The following EVC variants were observed in gnomAD, a reference collection of about 807,000 sequenced individuals.
The protein encoded by EVC is EvC ciliary complex subunit 1, also known as evC complex member EVC.
Under a neutral mutation model 118.9 loss-of-function variants are expected in EVC, and 116 were observed. That is an observed-to-expected ratio of 0.98 (90% CI 0.84 to 1.14). The LOEUF (loss-of-function observed/expected upper bound fraction) is 1.14. Ranked by LOEUF, EVC falls within the 50% of genes most tolerant of loss-of-function variation. The probability of loss-of-function intolerance (pLI) is 0.00; values close to 1 mark genes in which losing one functional copy is unlikely to be tolerated. For missense variants in EVC, 1,401 were observed against 1,246.4 expected (o/e 1.12, Z -1.87); for synonymous variants, 619 against 534.7 (o/e 1.16, Z -2.18).
At chr4:5,721,300 G>A (rs1166546399) in intron 2 of EVC, among the ~76,000 whole-genome samples, 1 of 152,196 alleles carries the variant, frequency 6.6e-6, no homozygotes, top group Non-Finnish European at 1.5e-5. Context: ...TGTGATATAT[G>A]CAGACATTGG....
chr4:5,720,506 T>G (rs1724768363), intron 2 of EVC, among the ~76,000 whole-genome samples: 1 of 152,122 alleles, frequency 6.6e-6, no homozygotes, highest in African/African-American at 2.4e-5. Context: ...ACCTGTTCCA[T>G]CCTGTTCCGC....
intron 16 of EVC, 118 bp downstream of exon 16, chr4:5,802,212 G>C (rs1715140274): frequency 1.4e-6 from 2 of 1,382,796 alleles, no homozygotes; most frequent in East Asian, 2.4e-5. Context: ...AATTATTTCA[G>C]TGTTTTAATG....
chr4:5,793,664 C>T lies in EVC; in HGVS notation c.1833C>T (p.Asp611=). 1.3e-6 allele frequency: 2 copies of T among 1,553,032 alleles called. No individual in the cohort carries two copies. Among genetic ancestry groups the T allele is most frequent in the Non-Finnish European group, 1.7e-6 (2 of 1,148,086 alleles). Residue 611 remains aspartate, a synonymous_variant, in exon 13 of 21, where the codon GAC becomes GAT. Transcript: ENST00000264956. ...TGCTGCAGACACACCTGCGGGAGGA[C>T]CACGAGGGCACCATCCGCGGCGTCT... The part of the protein sequence containing the change: ...SSVLQTHLRE[D]HEGTIRGVLG...
At position 5,753,778 on chromosome 4, in the gene EVC, A is replaced by G. The variant is rs896913430; in HGVS notation, c.1316-7A>G. 11 of 1,614,150 alleles carry G rather than the reference A, an allele frequency of 6.8e-6. No individual in the cohort carries two copies. Among genetic ancestry groups the G allele is most frequent in the East Asian group, 2.2e-5 (1 of 44,866 alleles). ...ACCTCCTATGCTGTGGCTTTTTTCA[A>G]TCCCAGAGTTTGTCCAGCGAGGCAA... On this transcript the variant is annotated splice_region_variant and splice_polypyrimidine_tract_variant and intron_variant, in intron 9 of 20. Transcript: ENST00000264956.
Position 5,811,921 on chromosome 4 carries a change from CT to C in EVC, c.*885del. 6.8e-6 allele frequency: 1 copy of C among 147,968 alleles called. No homozygotes were observed. Among genetic ancestry groups the C allele is most frequent in the South Asian group, 2.1e-4 (1 of 4,828 alleles). 9.2% of individuals were successfully genotyped at this position (147,968 alleles called of 1,614,324 possible). A position where few individuals can be genotyped will look rare whatever the true frequency, so the allele number is the denominator to read the frequency against. ...AGAAACTTCCAGACCAGCCCTCTCA[CT>C]ACAGCCAGGAGAGGCCTTTCCCGCC... On this transcript the variant is annotated 3_prime_UTR_variant, in exon 21 of 21. Transcript: ENST00000264956.
chr4:5,828,771 A>AT, the EVC span: 1 of 1,356,634 alleles, frequency 7.4e-7, no homozygotes. Context: ...GCGTGTTCCA[A>AT]TGTTTTTTTT....
At position 5,812,138 on chromosome 4, in the gene EVC, C is replaced by G. The variant is rs1717009059; in HGVS notation, c.*1101C>G. ...TCCCACCTGGAGAGAAACTTCCAGA[C>G]CAGCCCCTCATACCACAGCCAAGAG... On this transcript the variant is annotated 3_prime_UTR_variant, in exon 21 of 21. Coordinates refer to ENST00000264956, the MANE Select transcript of EVC (RefSeq NM_153717.3). 6.9e-6 allele frequency: 1 copy of G among 144,878 alleles called. No individual in the cohort carries two copies. Among genetic ancestry groups the G allele is most frequent in the South Asian group, 1.7e-4 (1 of 6,002 alleles). 9.0% of individuals were successfully genotyped at this position (144,878 alleles called of 1,614,324 possible).
chr4:5,827,142 A>G, the EVC span, among the ~76,000 whole-genome samples: 1 of 152,170 alleles, frequency 6.6e-6, no homozygotes, highest in Non-Finnish European at 1.5e-5. Context: ...GCTCCTGCAA[A>G]TTGCTGTCTT....
At chr4:5,732,976 C>T (rs944185315) in intron 4 of EVC, among the ~76,000 whole-genome samples, 2 of 152,220 alleles carry the variant, frequency 1.3e-5, no homozygotes, top group Admixed American at 6.5e-5. Flanking sequence ...TACCACTGCA[C>T]TCCAGCCTGG....
rs770010759 is a variant in EVC, at chr4:5,808,230, C to T, written c.2591C>T (p.Ala864Val). ...RMLSQQKRFL[A>V]QFPVHQQMRL... ...CTGTCCCAGCAGAAGAGGTTCCTGG[C>T]CCAGTTCCCAGTGCACCAGCAGATG... The change falls in exon 18 of 21, where the codon GCC (alanine) becomes GTC (valine). Residue 864 changes from alanine (A) to valine (V), a missense_variant. Coordinates refer to ENST00000264956, the MANE Select transcript of EVC (RefSeq NM_153717.3). 2 of 1,608,226 alleles carry T rather than the reference C, an allele frequency of 1.2e-6. No homozygotes were observed. Among genetic ancestry groups the T allele is most frequent in the Non-Finnish European group, 1.7e-6 (2 of 1,176,618 alleles).
chr4:5,820,797 ATTTTC>A, the EVC span: 2 of 145,898 alleles, frequency 1.4e-5, no homozygotes, highest in African/African-American at 5.4e-5. Context: ...TGGGCAGTTC[ATTTTC>A]TTTATTTTTT....
chr4:5,791,643 T>C (rs11723498), intron 12 of EVC, among the ~76,000 whole-genome samples: 68,789 of 151,952 alleles, frequency 0.45, 15,791 homozygotes, highest in South Asian at 0.6. Flanking sequence ...GAGAAAAGAA[T>C]AGCCCCTCCC....
downstream of EVC, among the ~76,000 whole-genome samples, chr4:5,817,994 T>C (rs1404624739): frequency 6.6e-6 from 1 of 152,166 alleles, no homozygotes; most frequent in Admixed American, 6.5e-5. Flanking sequence ...CCAACTGATG[T>C]GGTTTGGCTG....
intron 8 of EVC, 39 bp downstream of exon 8, chr4:5,748,345 C>G (rs1244037861): frequency 5.6e-6 from 9 of 1,610,558 alleles, no homozygotes; most frequent in East Asian, 2.2e-5. Flanking sequence ...TAAAGATATT[C>G]AGACTAGAGA....
chr4:5,803,410 A>G (rs1378037963), intron 16 of EVC, among the ~76,000 whole-genome samples: 3 of 152,206 alleles, frequency 2.0e-5, no homozygotes, highest in East Asian at 1.9e-4. Flanking sequence ...AGGTTTTCCA[A>G]AGGAAGAGTT....
At chr4:5,792,759 G>C (rs1202365613) in intron 12 of EVC, among the ~76,000 whole-genome samples, 1 of 152,102 alleles carries the variant, frequency 6.6e-6, no homozygotes, top group Non-Finnish European at 1.5e-5. Flanking sequence ...TCCCAAACCA[G>C]TAGATTTCCT....
intron 11 of EVC, among the ~76,000 whole-genome samples, chr4:5,775,215 A>G (rs1251353203): frequency 1.3e-5 from 2 of 152,216 alleles, no homozygotes; most frequent in South Asian, 2.1e-4. Context: ...AATAATGTCC[A>G]TCATCCCCAC....
downstream of EVC, among the ~76,000 whole-genome samples, chr4:5,816,073 A>G (rs539356630): frequency 7.9e-5 from 12 of 152,230 alleles, no homozygotes; most frequent in Admixed American, 7.8e-4. Flanking sequence ...GCTCATTAAA[A>G]ACAACATTCT....
intron 13 of EVC, 124 bp downstream of exon 13, chr4:5,793,841 CTT>C (rs1316047809): frequency 1.3e-5 from 10 of 744,244 alleles, no homozygotes; most frequent in Non-Finnish European, 1.7e-5. Flanking sequence ...ATGTAAATGA[CTT>C]AACGTTTCTT....
Sources: gnomAD v4.1 joint callset for allele counts (sites outside exome capture counted in the v4.1 genomes callset) on GRCh38, gnomAD v4.1.1 for gene constraint, MANE v1.5 for transcripts, NCBI Gene and HGNC (gene_info 2026-07-23, HGNC 2026-07-21) for gene names.